The following TRAPPC9 variants were observed in gnomAD, a reference collection of about 807,000 sequenced individuals.
TRAPPC9 encodes trafficking protein particle complex subunit 9, also known as IKK2 binding protein.
In TRAPPC9, 83 loss-of-function variants were observed where a neutral mutation model predicts 124.0. That is an observed-to-expected ratio of 0.67 (90% CI 0.56 to 0.80). TRAPPC9 has a LOEUF of 0.80. TRAPPC9 is among the 30% of genes least tolerant of loss of function. The pLI is 0.00. For missense variants in TRAPPC9, 1,302 were observed against 1,508.3 expected, an observed-to-expected ratio of 0.86 and a Z score of 2.27; for synonymous variants, 638 against 617.5, an observed-to-expected ratio of 1.03 and a Z score of -0.49.
At chr8:140,083,950 C>T (rs973186401) in intron 17 of TRAPPC9, among the ~76,000 whole-genome samples, 7 of 152,100 alleles carry the variant, frequency 4.6e-5, no homozygotes, top group Non-Finnish European at 1.0e-4. Flanking sequence ...CAGGCATGAG[C>T]GCCGCACCTG....
At chr8:139,854,662 C>T (rs758561994) in intron 21 of TRAPPC9, among the ~76,000 whole-genome samples, 2 of 152,254 alleles carry the variant, frequency 1.3e-5, no homozygotes, top group African/African-American at 2.4e-5. Flanking sequence ...CTCGGCATCA[C>T]GCCTGCACAC....
At position 139,998,470 on chromosome 8, in the gene TRAPPC9, G is replaced by A. The variant is rs534212267; in HGVS notation, c.2700-9634C>T. ...GCAGTGGCTCATGCCTGTAATCCCA[G>A]CACTTTGGGAGGCCAAGGCGGGTGG... On this transcript the variant is annotated intron_variant, in intron 18 of 22. Transcript: ENST00000438773. Among the ~76,000 whole-genome samples the A allele has an allele frequency of 2.7e-4, 41 of 152,348 alleles. 1 individual carries two copies. Among genetic ancestry groups the A allele is most frequent in the Admixed American group, 1.0e-3 (16 of 15,308 alleles).
In TRAPPC9 at chr8:140,451,243, A is replaced by C. The variant is rs1235920886; in HGVS notation, c.131T>G (p.Ile44Ser). Reference sequence around the variant, plus strand: ...GACTCGCTGGGAGTCCCGCACGCTGATCTGACTCACAGAGCAAATCCTCTT... The same window carrying C: ...GACTCGCTGGGAGTCCCGCACGCTGCTCTGACTCACAGAGCAAATCCTCTT... ...IYKRICSVSQ[I>S]SVRDSQRVLY... is the part of the protein sequence containing the mutation. The change falls in exon 2 of 23, where the codon ATC (isoleucine) becomes AGC (serine). Residue 44 changes from isoleucine (I) to serine (S), a missense_variant. Ile to Ser is a moderately radical substitution (Grantham distance 142, BLOSUM62 -2). Transcript: ENST00000438773. 3.7e-6 allele frequency: 6 copies of C among 1,613,842 alleles called. No individual in the cohort carries two copies. The highest frequency in any genetic ancestry group is 5.1e-6 in the Non-Finnish European group (6 of 1,180,030).
intron 19 of TRAPPC9, among the ~76,000 whole-genome samples, chr8:139,981,214 G>A (rs1277656977): frequency 6.6e-6 from 1 of 152,144 alleles, no homozygotes; most frequent in Non-Finnish European, 1.5e-5. Flanking sequence ...GGGGCCAGTG[G>A]GGGTTGCAGA....
intron 21 of TRAPPC9, among the ~76,000 whole-genome samples, chr8:139,787,131 T>C (rs1822310885): frequency 6.6e-6 from 1 of 152,170 alleles, no homozygotes; most frequent in African/African-American, 2.4e-5. Context: ...ACCCAGTAAG[T>C]CCTTGCCTTT....
chr8:139,863,084 G>A (rs1239306643), intron 21 of TRAPPC9, among the ~76,000 whole-genome samples: 10 of 152,252 alleles, frequency 6.6e-5, no homozygotes, highest in Non-Finnish European at 1.2e-4. Flanking sequence ...ACTGACAAAA[G>A]CTCATTTGGC....
At chr8:139,835,801 C>G (rs1282311384) in intron 21 of TRAPPC9, among the ~76,000 whole-genome samples, 4 of 152,036 alleles carry the variant, frequency 2.6e-5, no homozygotes, top group Non-Finnish European at 5.9e-5. Context: ...CCTAGAAAGC[C>G]CACAGAATCC....
At chr8:139,892,337 C>T (rs1308520169) in intron 20 of TRAPPC9, among the ~76,000 whole-genome samples, 2 of 152,156 alleles carry the variant, frequency 1.3e-5, no homozygotes, top group Admixed American at 1.3e-4. Context: ...CCAAGGTGGC[C>T]CTGAGACTCC....
chr8:140,133,715 T>C (rs944175506), intron 17 of TRAPPC9, among the ~76,000 whole-genome samples: 2 of 152,162 alleles, frequency 1.3e-5, no homozygotes, highest in African/African-American at 2.4e-5. Flanking sequence ...AGTTGCAAGA[T>C]ACAAATTCAG....
At chr8:139,975,670 C>T (rs1836392804) in intron 19 of TRAPPC9, among the ~76,000 whole-genome samples, 2 of 152,178 alleles carry the variant, frequency 1.3e-5, no homozygotes, top group South Asian at 4.1e-4. Flanking sequence ...CCCCTCACCA[C>T]CCCCACACTC....
intron 17 of TRAPPC9, among the ~76,000 whole-genome samples, chr8:140,046,386 G>A (rs1841596482): frequency 6.6e-6 from 1 of 152,262 alleles, no homozygotes; most frequent in African/African-American, 2.4e-5. Flanking sequence ...AGAGCTGGAT[G>A]GACAGGGCGG....
intron 19 of TRAPPC9, among the ~76,000 whole-genome samples, chr8:139,940,181 AG>A (rs1408728833): frequency 6.6e-6 from 1 of 152,260 alleles, no homozygotes; most frequent in East Asian, 1.9e-4. Context: ...CTCAGACACA[AG>A]GAGCGCAGGT....
chr8:140,066,766 A>G (rs1842913398), intron 17 of TRAPPC9, among the ~76,000 whole-genome samples: 1 of 152,228 alleles, frequency 6.6e-6, no homozygotes, highest in Non-Finnish European at 1.5e-5. Context: ...TGAAAAGGAG[A>G]CAGAGATCAA....
chr8:140,417,523 G>A (rs568236765), intron 5 of TRAPPC9, among the ~76,000 whole-genome samples: 10 of 152,274 alleles, frequency 6.6e-5, no homozygotes, highest in Admixed American at 5.9e-4. Context: ...ACCATCTCAC[G>A]CTAGTTAGAC....
chr8:140,322,193 A>T (rs2066613943), intron 9 of TRAPPC9, among the ~76,000 whole-genome samples: 1 of 152,224 alleles, frequency 6.6e-6, no homozygotes, highest in South Asian at 2.1e-4. Context: ...CTCAAAGCAC[A>T]AAGATGGAAA....
intron 15 of TRAPPC9, among the ~76,000 whole-genome samples, chr8:140,268,452 C>T (rs147022155): frequency 1.3e-4 from 20 of 152,250 alleles, no homozygotes; most frequent in Non-Finnish European, 2.6e-4. Context: ...GTAAATGTAC[C>T]GCAGCTTGGA....
Position 140,037,847 on chromosome 8 carries a change from C to T in TRAPPC9, c.2557-13768G>A, listed in dbSNP as rs77380894. Among the ~76,000 whole-genome samples the T allele has an allele frequency of 2.0e-3, 278 of 139,582 alleles. 1 individual carries two copies. The highest frequency in any genetic ancestry group is 6.5e-3 in the African/African-American group (253 of 39,156). 91.6% of individuals were successfully genotyped at this position (139,582 alleles called of 152,430 possible). On this transcript the variant is annotated intron_variant, in intron 17 of 22. Transcript: ENST00000438773. ...CATACCCAACACACACCAACACACACACAGATACACACATACCCAACACAC... is the reference window on the plus strand; with the variant it reads ...CATACCCAACACACACCAACACACATACAGATACACACATACCCAACACAC...
intron 2 of TRAPPC9, among the ~76,000 whole-genome samples, chr8:140,440,325 G>A (rs11166979): frequency 0.71 from 107,590 of 151,388 alleles, 38,951 homozygotes; most frequent in East Asian, 1. Context: ...GGCTAACACG[G>A]TGAAACCCCA....
At chr8:139,846,291 G>C (rs183655682) in intron 21 of TRAPPC9, among the ~76,000 whole-genome samples, 12 of 152,284 alleles carry the variant, frequency 7.9e-5, no homozygotes, top group African/African-American at 2.9e-4. Flanking sequence ...TGAGCTCTTA[G>C]TTCCACCCCC....
Sources: gnomAD v4.1 joint callset for allele counts (sites outside exome capture counted in the v4.1 genomes callset) on GRCh38, gnomAD v4.1.1 for gene constraint, MANE v1.5 for transcripts, NCBI Gene and HGNC (gene_info 2026-07-23, HGNC 2026-07-21) for gene names.